RSRC1: variants seen among roughly 807,000 people sequenced by gnomAD.
RSRC1 encodes the protein serine/Arginine-related protein 53.
RSRC1 carries 39 observed loss-of-function variants against 49.1 expected under a neutral mutation model. That is an observed-to-expected ratio of 0.79 (90% CI 0.61 to 1.04). RSRC1 has a LOEUF of 1.04. RSRC1 is among the 50% of genes least tolerant of loss of function. RSRC1 has a pLI of 0.00. For missense variants in RSRC1, 388 were observed against 402.4 expected, an observed-to-expected ratio of 0.96 and a Z score of 0.31; for synonymous variants, 143 against 130.8, an observed-to-expected ratio of 1.09 and a Z score of -0.63.
At chr3:158,303,758 G>A (rs1727698180) in intron 5 of RSRC1, among the ~76,000 whole-genome samples, 1 of 152,062 alleles carries the variant, frequency 6.6e-6, no homozygotes, top group Non-Finnish European at 1.5e-5. Flanking sequence ...TAAACCCAGG[G>A]GAAGAGATAC....
chr3:158,272,253 T>TC (rs1725561615), intron 4 of RSRC1, among the ~76,000 whole-genome samples: 1 of 152,122 alleles, frequency 6.6e-6, no homozygotes, highest in Non-Finnish European at 1.5e-5. Flanking sequence ...AGAACGGCCT[T>TC]ATTGAATGGA....
chr3:158,536,961 T>A, intron 7 of RSRC1, 131 bp from the exon 8 acceptor site: 1 of 617,974 alleles, frequency 1.6e-6, no homozygotes, highest in Non-Finnish European at 2.9e-6. Flanking sequence ...AACAAAAGAG[T>A]TTCTTGTTAT....
At chr3:158,216,196 C>T (rs980641327) in intron 4 of RSRC1, among the ~76,000 whole-genome samples, 1 of 150,990 alleles carries the variant, frequency 6.6e-6, no homozygotes, top group Non-Finnish European at 1.5e-5. Context: ...TTTATTTTCC[C>T]CTGACTTTCT....
In RSRC1 at chr3:158,203,066, C is replaced by A. The variant is rs1432342494; in HGVS notation, c.321-6C>A. Reference sequence around the variant, plus strand: ...AAGTTTATTTAACAAAATCTGCTTACTGTAGGTCCAGGTCAAGACCTCGTC... The same window carrying A: ...AAGTTTATTTAACAAAATCTGCTTAATGTAGGTCCAGGTCAAGACCTCGTC... On this transcript the variant is annotated splice_polypyrimidine_tract_variant and splice_region_variant and intron_variant, in intron 3 of 9. Coordinates refer to ENST00000611884, the MANE Select transcript of RSRC1 (RefSeq NM_001271838.2). 1 of 1,606,732 alleles carries A rather than the reference C, an allele frequency of 6.2e-7. No individual in the cohort carries two copies. The highest frequency in any genetic ancestry group is 2.2e-5 in the East Asian group (1 of 44,754).
intron 3 of RSRC1, among the ~76,000 whole-genome samples, chr3:158,194,057 ACACACAC>A (rs1720397450): frequency 2.5e-4 from 1 of 4,066 alleles, no homozygotes; most frequent in African/African-American, 4.6e-4. Context: ...CCGTCTATAC[ACACACAC>A]ACACACACAC....
At chr3:158,440,337 A>T (rs1402387579) in intron 6 of RSRC1, among the ~76,000 whole-genome samples, 1 of 152,006 alleles carries the variant, frequency 6.6e-6, no homozygotes, top group African/African-American at 2.4e-5. Context: ...TCTTGGAAAG[A>T]TGATTGCTTC....
At chr3:158,136,854 GT>G (rs1716410527) in intron 3 of RSRC1, 1 of 152,154 alleles carries the variant, frequency 6.6e-6, no homozygotes, top group Non-Finnish European at 1.5e-5. Flanking sequence ...AAAGTGAGCC[GT>G]TTGCTTGAGG....
intron 5 of RSRC1, among the ~76,000 whole-genome samples, chr3:158,319,164 T>C (rs1045250978): frequency 2.6e-5 from 4 of 152,088 alleles, no homozygotes; most frequent in Non-Finnish European, 4.4e-5. Context: ...CGAATTGTAA[T>C]CCCCGTGTGT....
intron 4 of RSRC1, among the ~76,000 whole-genome samples, chr3:158,289,662 G>A (rs990445212): frequency 5.9e-5 from 9 of 152,212 alleles, no homozygotes; most frequent in East Asian, 1.9e-4. Flanking sequence ...CAAGGTGTTC[G>A]CCAATCAAGA....
intron 4 of RSRC1, among the ~76,000 whole-genome samples, chr3:158,244,598 A>G (rs1366806235): frequency 6.6e-6 from 1 of 151,982 alleles, no homozygotes; most frequent in Non-Finnish European, 1.5e-5. Flanking sequence ...GTTTTGTTAT[A>G]TCTCTGCCAG....
At chr3:158,114,047 G>A (rs774091077) in intron 1 of RSRC1, among the ~76,000 whole-genome samples, 6 of 152,048 alleles carry the variant, frequency 3.9e-5, no homozygotes, top group Non-Finnish European at 8.8e-5. Flanking sequence ...TGCTTTTGAC[G>A]TTTTTGCCAT....
At chr3:158,526,407 A>G (rs58733163) in intron 7 of RSRC1, among the ~76,000 whole-genome samples, 78,441 of 151,750 alleles carry the variant, frequency 0.52, 20,734 homozygotes, top group African/African-American at 0.62. Context: ...CTTAGAAATG[A>G]GTATATTACG....
intron 5 of RSRC1, among the ~76,000 whole-genome samples, chr3:158,346,953 A>G (rs1009799322): frequency 4.6e-5 from 7 of 152,228 alleles, no homozygotes; most frequent in African/African-American, 1.7e-4. Context: ...AATTGTTGAT[A>G]GACATAACAA....
chr3:158,206,714 G>T (rs1453111399), intron 4 of RSRC1, among the ~76,000 whole-genome samples: 1 of 152,068 alleles, frequency 6.6e-6, no homozygotes, highest in African/African-American at 2.4e-5. Flanking sequence ...AGGAGTTTGA[G>T]TCCAGCCTGA....
At chr3:158,233,964 A>G (rs867495394) in intron 4 of RSRC1, among the ~76,000 whole-genome samples, 4 of 152,150 alleles carry the variant, frequency 2.6e-5, no homozygotes, top group African/African-American at 9.7e-5. Flanking sequence ...CAAAGGCTGA[A>G]TAAGTGGCAG....
intron 1 of RSRC1, among the ~76,000 whole-genome samples, chr3:158,113,581 A>C (rs752582217): frequency 8.6e-5 from 13 of 151,764 alleles, no homozygotes; most frequent in Admixed American, 6.6e-5. Context: ...GCTGGCCAGG[A>C]TGGTCTCCAT....
At chr3:158,386,080 C>T (rs1394042466) in intron 6 of RSRC1, among the ~76,000 whole-genome samples, 3 of 151,888 alleles carry the variant, frequency 2.0e-5, no homozygotes, top group East Asian at 3.9e-4. Flanking sequence ...GTTTATGTCC[C>T]ATTAGATTTA....
chr3:158,517,953 A>C (rs1176304948), intron 7 of RSRC1, among the ~76,000 whole-genome samples: 4 of 149,120 alleles, frequency 2.7e-5, no homozygotes, highest in Non-Finnish European at 5.9e-5. Flanking sequence ...AAATGTTATT[A>C]ATTATATTAA....
chr3:158,324,432 T>A (rs529656473), intron 5 of RSRC1, among the ~76,000 whole-genome samples: 4 of 152,256 alleles, frequency 2.6e-5, no homozygotes, highest in Non-Finnish European at 4.4e-5. Context: ...CCTTCCTGTG[T>A]CCAAGTGTTC....
Sources: allele counts gnomAD v4.1 joint callset (sites outside exome capture counted in the v4.1 genomes callset), GRCh38; gene constraint gnomAD v4.1.1; transcripts MANE v1.5; gene names NCBI Gene and HGNC (gene_info 2026-07-23, HGNC 2026-07-21).